KIF6: variants seen among roughly 807,000 people sequenced by gnomAD.
The protein encoded by KIF6 is kinesin-like protein KIF6.
Under a neutral mutation model 112.7 loss-of-function variants are expected in KIF6, and 106 were observed. The observed-to-expected ratio is 0.94, with a 90% CI of 0.80 to 1.11. The LOEUF (loss-of-function observed/expected upper bound fraction) is 1.11, where lower values mean the gene tolerates loss of function less well. Ranked by LOEUF, KIF6 falls within the 50% of genes least tolerant of loss-of-function variation. The probability of loss-of-function intolerance (pLI) is 0.00; values close to 1 mark genes in which losing one functional copy is unlikely to be tolerated. For missense variants in KIF6, 929 were observed against 964.0 expected (o/e 0.96, Z 0.48); for synonymous variants, 339 against 339.9 (o/e 1.00, Z 0.03).
At chr6:39,371,312 G>T (rs1765969275) in intron 16 of KIF6, among the ~76,000 whole-genome samples, 1 of 152,030 alleles carries the variant, frequency 6.6e-6, no homozygotes, top group African/African-American at 2.4e-5. Context: ...TGGTATGCTG[G>T]GCCTATTCCT....
intron 22 of KIF6, among the ~76,000 whole-genome samples, chr6:39,338,515 C>T (rs543351391): frequency 6.6e-5 from 10 of 152,258 alleles, no homozygotes; most frequent in Non-Finnish European, 1.0e-4. Flanking sequence ...AATTCTAGAA[C>T]GGGAAGTAAG....
intron 3 of KIF6, among the ~76,000 whole-genome samples, chr6:39,693,298 G>A (rs1347698329): frequency 6.6e-6 from 1 of 152,204 alleles, no homozygotes; most frequent in Non-Finnish European, 1.5e-5. Flanking sequence ...CATATCTTAG[G>A]AGATAAAGTG....
chr6:39,438,215 C>T (rs774945708), intron 13 of KIF6, among the ~76,000 whole-genome samples: 15 of 152,170 alleles, frequency 9.9e-5, no homozygotes, highest in Non-Finnish European at 2.2e-4. Flanking sequence ...CTCAGGTGAT[C>T]CACCTGCCTC....
chr6:39,536,828 C>T (rs1778459324), intron 13 of KIF6, among the ~76,000 whole-genome samples: 1 of 152,152 alleles, frequency 6.6e-6, no homozygotes, highest in African/African-American at 2.4e-5. Context: ...AAAATACTGG[C>T]AAAACGAATC....
chr6:39,343,545 G>A lies in KIF6; in HGVS notation c.2428+164C>T, dbSNP rs1763466404. The A allele has an allele frequency of 7.3e-6, 10 of 1,375,778 alleles. No individual in the cohort carries two copies. The highest frequency in any genetic ancestry group is 2.7e-5 in the South Asian group (2 of 74,048). 85.2% of individuals were successfully genotyped at this position (1,375,778 alleles called of 1,614,324 possible). On this transcript the variant is annotated intron_variant, in intron 22 of 22. Coordinates refer to ENST00000287152, the MANE Select transcript of KIF6 (RefSeq NM_145027.6). This position sits in a 1 kb window ranked among gnomAD's most constrained non-coding sequence, Gnocchi z 4.1. ...TGATGCTGCCCCTTGAGGCTTTCTCGAGAAGGAATCAGAGGCTGGGCACAT... is the reference window on the plus strand; with the variant it reads ...TGATGCTGCCCCTTGAGGCTTTCTCAAGAAGGAATCAGAGGCTGGGCACAT...
chr6:39,695,151 C>A (rs549472254), intron 3 of KIF6, among the ~76,000 whole-genome samples: 2 of 152,180 alleles, frequency 1.3e-5, no homozygotes, highest in East Asian at 3.9e-4. Context: ...TACCTCTCAC[C>A]ATATACAAAA....
chr6:39,400,988 C>T (rs1396905961), intron 15 of KIF6, among the ~76,000 whole-genome samples: 3 of 152,224 alleles, frequency 2.0e-5, no homozygotes, highest in Non-Finnish European at 2.9e-5. Flanking sequence ...GGTATTTTAA[C>T]AATGTGGCAG....
chr6:39,646,339 A>T (rs1278979598), intron 3 of KIF6, among the ~76,000 whole-genome samples: 1 of 152,114 alleles, frequency 6.6e-6, no homozygotes, highest in Non-Finnish European at 1.5e-5. Flanking sequence ...AAAATATAGT[A>T]ATAGGATCAT....
At chr6:39,635,513 A>G (rs1784580031) in intron 4 of KIF6, among the ~76,000 whole-genome samples, 1 of 152,118 alleles carries the variant, frequency 6.6e-6, no homozygotes, top group Non-Finnish European at 1.5e-5. Context: ...GTCAGGTATG[A>G]GTGGACATTA....
intron 19 of KIF6, among the ~76,000 whole-genome samples, chr6:39,355,459 CTTTTTTTTTTT>C (rs574801087): frequency 1.3e-4 from 11 of 82,754 alleles, no homozygotes; most frequent in Admixed American, 5.5e-4. Flanking sequence ...TTTAAGAAGT[CTTTTTTTTTTT>C]TTTTTTTTTT....
At chr6:39,654,659 A>G (rs1785664056) in intron 3 of KIF6, among the ~76,000 whole-genome samples, 1 of 152,154 alleles carries the variant, frequency 6.6e-6, no homozygotes, top group Non-Finnish European at 1.5e-5. Flanking sequence ...TCTCCTCCTC[A>G]TCCTCCAACT....
At chr6:39,581,963 A>G (rs1473531787) in intron 9 of KIF6, among the ~76,000 whole-genome samples, 2 of 152,186 alleles carry the variant, frequency 1.3e-5, no homozygotes, top group Non-Finnish European at 2.9e-5. Flanking sequence ...GATATTGAGT[A>G]TTTTGAACAT....
In KIF6 at chr6:39,596,087, C is replaced by T. The variant is rs7738892; in HGVS notation, c.813G>A (p.Lys271=). 229,475 of 1,613,280 alleles carry T rather than the reference C, an allele frequency of 0.14. 18,769 individuals carry two copies. The highest frequency in any genetic ancestry group is 0.24 in the Admixed American group (14,477 of 59,954). The part of the protein sequence containing the change: ...GVGGHLLTEA[K]YINLSLHYLE... ...AGTAATGTAGTGACAAGTTGATATA[C>T]TTGGCCTCTGTTAGAAGATGGCCCC... The change falls in exon 7 of 23, where the codon AAG becomes AAA. Residue 271 remains lysine (K), a synonymous_variant. Transcript: ENST00000287152.
At chr6:39,491,219 A>G (rs556240444) in intron 13 of KIF6, among the ~76,000 whole-genome samples, 1 of 152,112 alleles carries the variant, frequency 6.6e-6, no homozygotes, top group South Asian at 2.1e-4. Flanking sequence ...TGAAGCCTTT[A>G]GTGTCTAAAT....
intron 7 of KIF6, among the ~76,000 whole-genome samples, chr6:39,594,795 ACT>A (rs1442311895): frequency 2.0e-5 from 3 of 151,132 alleles, no homozygotes; most frequent in Admixed American, 1.3e-4. Flanking sequence ...GCCTCACAAG[ACT>A]CTGTACTTCT....
At position 39,540,039 on chromosome 6, in the gene KIF6, A is replaced by C; in HGVS notation, c.1609T>G (p.Leu537Val). The change falls in exon 13 of 23, where the codon TTG becomes GTG. Residue 537 changes from leucine (L) to valine (V), a missense_variant. Transcript: ENST00000287152. Reference sequence around the variant, plus strand: ...TGGAGCAAACTGGATCTTTTCCCCAAAATGCTGAAGTCCTGGGCCTGTGAG... The same window carrying C: ...TGGAGCAAACTGGATCTTTTCCCCACAATGCTGAAGTCCTGGGCCTGTGAG... Reference protein sequence around the residue: ...APSQAQDFSILGKRSSLLHKK... With the variant: ...APSQAQDFSIVGKRSSLLHKK... 2 of 1,606,454 alleles carry C rather than the reference A, an allele frequency of 1.2e-6. No individual in the cohort carries two copies. The highest frequency in any genetic ancestry group is 8.5e-7 in the Non-Finnish European group (1 of 1,177,820).
chr6:39,676,966 G>C (rs564917475), intron 3 of KIF6, among the ~76,000 whole-genome samples: 2 of 152,090 alleles, frequency 1.3e-5, no homozygotes, highest in African/African-American at 4.8e-5. Flanking sequence ...CATTTATAAA[G>C]AGACTCAACT....
At chr6:39,596,378 T>C in intron 6 of KIF6, 118 bp from the exon 7 acceptor site, 1 of 719,640 alleles carries the variant, frequency 1.4e-6, no homozygotes, top group Non-Finnish European at 2.3e-6. Context: ...AACTGTCAAC[T>C]GGAGCAAAAC....
chr6:39,487,622 A>G (rs73412731), intron 13 of KIF6, among the ~76,000 whole-genome samples: 2,676 of 152,290 alleles, frequency 0.018, 74 homozygotes, highest in African/African-American at 0.06. Context: ...TAAGAAATAT[A>G]CAGAGTATTA....
Sources: gnomAD v4.1 joint callset for allele counts (sites outside exome capture counted in the v4.1 genomes callset) on GRCh38, gnomAD v4.1.1 for gene constraint, Gnocchi (gnomAD v3.1) non-coding constraint, MANE v1.5 for transcripts, NCBI Gene and HGNC (gene_info 2026-07-23, HGNC 2026-07-21) for gene names.